STAB2: variants seen among roughly 807,000 people sequenced by gnomAD.
STAB2 encodes the protein stabilin 2, also known as stabilin-2.
In STAB2, 288 loss-of-function variants were observed where a neutral mutation model predicts 338.1. The observed-to-expected ratio is 0.85, with a 90% CI of 0.77 to 0.94. The LOEUF (loss-of-function observed/expected upper bound fraction) is 0.94. STAB2 is among the 40% of genes least tolerant of loss of function. The pLI, the probability that STAB2 is intolerant of heterozygous loss-of-function variation, is 0.00. For missense variants in STAB2, 3,141 were observed against 3,210.1 expected, an observed-to-expected ratio of 0.98 and a Z score of 0.52; for synonymous variants, 1,202 against 1,193.3, an observed-to-expected ratio of 1.01 and a Z score of -0.15.
chr12:103,613,590 C>T (rs1957162796), intron 3 of STAB2, among the ~76,000 whole-genome samples: 1 of 152,164 alleles, frequency 6.6e-6, no homozygotes, highest in African/African-American at 2.4e-5. Flanking sequence ...TCTGTTACCC[C>T]TTTCCTTGGC....
At chr12:103,633,492 G>A (rs924592822) in intron 6 of STAB2, among the ~76,000 whole-genome samples, 5 of 152,162 alleles carry the variant, frequency 3.3e-5, no homozygotes, top group Non-Finnish European at 7.4e-5. Context: ...AGACCAGCCT[G>A]GCCAACATGG....
intron 12 of STAB2, among the ~76,000 whole-genome samples, chr12:103,654,216 G>T (rs540417321): frequency 1.3e-5 from 2 of 152,330 alleles, no homozygotes; most frequent in African/African-American, 4.8e-5. Context: ...CTTTCTCTGT[G>T]CAAGACACTA....
intron 17 of STAB2, 73 bp downstream of exon 17, chr12:103,660,836 A>G: frequency 1.3e-6 from 2 of 1,483,604 alleles, no homozygotes; most frequent in South Asian, 2.3e-5. Context: ...TCATCAGGTT[A>G]TCCTGCCTCT....
At chr12:103,715,286 T>C (rs1336381333) in intron 42 of STAB2, among the ~76,000 whole-genome samples, 1 of 152,142 alleles carries the variant, frequency 6.6e-6, no homozygotes, top group African/African-American at 2.4e-5. Flanking sequence ...GTGAAGGTGC[T>C]GTGATGTTTC....
chr12:103,643,053 G>C (rs1873041213), intron 9 of STAB2, among the ~76,000 whole-genome samples: 1 of 152,106 alleles, frequency 6.6e-6, no homozygotes, highest in African/African-American at 2.4e-5. Flanking sequence ...AGTTCTGGAG[G>C]CTGGGAAGTC....
chr12:103,605,336 A>G (rs1315832543), intron 3 of STAB2, among the ~76,000 whole-genome samples: 4 of 130,438 alleles, frequency 3.1e-5, no homozygotes, highest in African/African-American at 1.5e-4. Context: ...ATGACCTACA[A>G]TATCTCCTGT....
In STAB2 at chr12:103,683,282, C is replaced by A. The variant is rs746505905; in HGVS notation, c.2883C>A (p.Thr961=). 1 of 1,607,942 alleles carries A rather than the reference C, an allele frequency of 6.2e-7. No homozygotes were observed. Among genetic ancestry groups the A allele is most frequent in the Admixed American group, 1.7e-5 (1 of 59,462 alleles). The change falls in exon 26 of 69, where the codon ACC becomes ACA. Residue 961 remains threonine, a synonymous_variant. Coordinates refer to ENST00000388887, the MANE Select transcript of STAB2 (RefSeq NM_017564.10). ...CAATAACTTCATGCTTGGAACAAAC[C>A]GGGAAATGTCATCCATTGGTGAGTT... ...CEPITSCLEQ[T]GKCHPLASCQ...
intron 57 of STAB2, 113 bp downstream of exon 57, chr12:103,745,390 G>A: frequency 1.1e-6 from 1 of 906,360 alleles, no homozygotes; most frequent in Admixed American, 2.8e-5. Flanking sequence ...TGACAAAGCA[G>A]GTCCATGTGG....
Position 103,654,642 on chromosome 12 carries a change from C to T in STAB2, c.1495C>T (p.His499Tyr). Reference sequence around the variant, plus strand: ...CATCATTGCTTCCAATGGGCTTCTGCACATCCTTGACAGAGCCATGGACAA... The same window carrying T: ...CATCATTGCTTCCAATGGGCTTCTGTACATCCTTGACAGAGCCATGGACAA... ...GDIIASNGLL[H>Y]ILDRAMDKLE... Residue 499 changes from histidine (H) to tyrosine (Y), a missense_variant, in exon 13 of 69, where the codon CAC becomes TAC. His to Tyr is a moderately conservative substitution (Grantham distance 83). Transcript: ENST00000388887. 8 of 1,614,190 alleles carry T rather than the reference C, an allele frequency of 5.0e-6. No homozygotes were observed. The highest frequency in any genetic ancestry group is 6.8e-6 in the Non-Finnish European group (8 of 1,180,008).
chr12:103,631,184 G>A (rs944525558), intron 5 of STAB2, among the ~76,000 whole-genome samples: 1 of 152,118 alleles, frequency 6.6e-6, no homozygotes, highest in Non-Finnish European at 1.5e-5. Flanking sequence ...CCCATCAATA[G>A]GTAGGACTTA....
intron 44 of STAB2, among the ~76,000 whole-genome samples, chr12:103,723,025 C>T (rs548350858): frequency 3.1e-4 from 47 of 152,206 alleles, no homozygotes; most frequent in Non-Finnish European, 4.0e-4. Flanking sequence ...AAGCACAGTC[C>T]GTGAGTTCAG....
intron 52 of STAB2, 26 bp from the exon 53 acceptor site, chr12:103,737,600 CTTTCTCTT>C (rs1333002761): frequency 3.6e-6 from 4 of 1,120,886 alleles, no homozygotes; most frequent in Middle Eastern, 2.6e-4. Context: ...CTCTCTCTCT[CTTTCTCTT>C]TTTTTTTTTT....
intron 13 of STAB2, 76 bp downstream of exon 13, chr12:103,654,774 G>T: frequency 6.6e-7 from 1 of 1,524,926 alleles, no homozygotes; most frequent in Non-Finnish European, 8.8e-7. Context: ...TCCAGAGCAT[G>T]CCAGCACTCT....
rs770746616 is a variant in STAB2 at position 103,695,567 on chromosome 12, A to G, written c.3393A>G (p.Arg1131=). 1.9e-6 allele frequency: 3 copies of G among 1,614,158 alleles called. No individual in the cohort carries two copies. In the East Asian group the frequency reaches 6.7e-5, roughly 36 times the overall value. ...HIINKVLVPQ[R]RLTGSLPNLL... ...TTTTTCAGGTGCTGGTCCCACAAAG[A>G]CGTCTAACTGGCTCCTTACCAAACC... Residue 1131 remains arginine, a synonymous_variant, in exon 32 of 69, where the codon AGA becomes AGG. Coordinates refer to ENST00000388887, the MANE Select transcript of STAB2 (RefSeq NM_017564.10).
chr12:103,601,344 C>G (rs1358013938), intron 3 of STAB2, among the ~76,000 whole-genome samples: 1 of 152,180 alleles, frequency 6.6e-6, no homozygotes, highest in Non-Finnish European at 1.5e-5. Context: ...GTAATCCCAG[C>G]ACTTTGGGAG....
Position 103,704,541 on chromosome 12 carries a change from T to C in STAB2, c.3844-17T>C. On this transcript the variant is annotated splice_polypyrimidine_tract_variant and intron_variant, in intron 35 of 68. Coordinates refer to ENST00000388887, the MANE Select transcript of STAB2 (RefSeq NM_017564.10). ...TATTAAAGTTAATTACATTGATTGC[T>C]TTTGTGTTTTACCAAGGGAAGATGT... 1 of 1,611,636 alleles carries C rather than the reference T, an allele frequency of 6.2e-7. No individual in the cohort carries two copies. Among genetic ancestry groups the C allele is most frequent in the African/African-American group, 1.3e-5 (1 of 74,978 alleles).
At chr12:103,724,747 C>A (rs896221183) in intron 44 of STAB2, among the ~76,000 whole-genome samples, 1 of 152,146 alleles carries the variant, frequency 6.6e-6, no homozygotes, top group Admixed American at 6.5e-5. Flanking sequence ...GGCTGGAGAT[C>A]TGCTCAAAGG....
At position 103,765,043 on chromosome 12, in the gene STAB2, C is replaced by T. The variant is rs556055359; in HGVS notation, c.7606-1243C>T. Among the ~76,000 whole-genome samples the T allele has an allele frequency of 1.2e-3, 165 of 132,166 alleles. 1 individual carries two copies. The highest frequency in any genetic ancestry group is 4.6e-3 in the African/African-American group (156 of 34,276). 86.7% of individuals were successfully genotyped at this position (132,166 alleles called of 152,430 possible). On this transcript the variant is annotated intron_variant, in intron 68 of 68. Transcript: ENST00000388887. ...CGGAGGTTGCAGTGAGCAGAGATTG[C>T]ACCACTGCACTCCAGCTTGGGCAGC...
chr12:103,705,771 G>A, intron 37 of STAB2, 44 bp downstream of exon 37: 1 of 1,573,448 alleles, frequency 6.4e-7, no homozygotes, highest in East Asian at 2.2e-5. Context: ...CAGCACCATT[G>A]GGAAAATCCA....
Sources: gnomAD v4.1 joint callset for allele counts (sites outside exome capture counted in the v4.1 genomes callset) on GRCh38, gnomAD v4.1.1 for gene constraint, MANE v1.5 for transcripts, NCBI Gene and HGNC (gene_info 2026-07-23, HGNC 2026-07-21) for gene names.